The following ANLN variants were observed in gnomAD, a reference collection of about 807,000 sequenced individuals.
ANLN encodes anillin, actin binding protein.
ANLN carries 59 observed loss-of-function variants against 135.1 expected under a neutral mutation model. The ratio of observed to expected loss-of-function variants is 0.44; its 90% CI spans 0.35 to 0.54. The LOEUF (loss-of-function observed/expected upper bound fraction) is 0.54. Ranked by LOEUF, ANLN falls within the 20% of genes least tolerant of loss-of-function variation. The pLI is 0.00. For missense variants in ANLN, 1,182 were observed against 1,340.0 expected, an observed-to-expected ratio of 0.88 and a Z score of 1.84; for synonymous variants, 406 against 456.4, an observed-to-expected ratio of 0.89 and a Z score of 1.41.
At chr7:36,450,253 T>G (rs80033801) in intron 23 of ANLN, among the ~76,000 whole-genome samples, 21 of 152,152 alleles carry the variant, frequency 1.4e-4, no homozygotes, top group African/African-American at 5.1e-4. Context: ...TCTGCAAATT[T>G]CTGGATGGAG....
chr7:36,410,271 T>A (rs903855947), intron 5 of ANLN, among the ~76,000 whole-genome samples: 7 of 152,008 alleles, frequency 4.6e-5, no homozygotes, highest in African/African-American at 1.7e-4. Context: ...TCATTCTACC[T>A]TTTCAAAATT....
rs757840876 is a variant in ANLN, at chr7:36,427,049, A to G, written c.2883+21A>G. The G allele has an allele frequency of 8.0e-6, 12 of 1,502,312 alleles. 1 individual carries two copies. The South Asian group carries it at 1.3e-4, about 17-fold the overall frequency. The allele number at this position is 1,502,312 out of a possible 1,614,324, so 93.1% of individuals were successfully genotyped here. A position where few individuals can be genotyped will look rare whatever the true frequency, so the allele number is the denominator to read the frequency against. The stretch of plus-strand genomic sequence containing the variant: ...ACAAGGTAATCCAACTTTATTTCTA[A>G]GGGTGTGGTGTTTTTTTTTTAATCT... On this transcript the variant is annotated intron_variant, in intron 20 of 23. Transcript: ENST00000265748.
chr7:36,433,095 G>A (rs78331022), intron 20 of ANLN, among the ~76,000 whole-genome samples: 122 of 152,266 alleles, frequency 8.0e-4, no homozygotes, highest in African/African-American at 2.9e-3. Context: ...GGTTACAGTT[G>A]TGAACTACTG....
intron 12 of ANLN, among the ~76,000 whole-genome samples, chr7:36,421,546 G>T (rs1421884899): frequency 6.6e-6 from 1 of 151,908 alleles, no homozygotes; most frequent in African/African-American, 2.4e-5. Context: ...AAAAAACAGT[G>T]TAATTGTAAT....
intron 21 of ANLN, among the ~76,000 whole-genome samples, chr7:36,439,712 T>C (rs1660280761): frequency 6.6e-6 from 1 of 152,206 alleles, no homozygotes; most frequent in African/African-American, 2.4e-5. Context: ...GTACAGTGGC[T>C]TGAAGGGCCC....
intron 20 of ANLN, among the ~76,000 whole-genome samples, chr7:36,433,152 A>T (rs533514778): frequency 6.6e-6 from 1 of 152,138 alleles, no homozygotes; most frequent in Admixed American, 6.6e-5. Flanking sequence ...TTATATTTTT[A>T]TAAACTGGTC....
intron 22 of ANLN, among the ~76,000 whole-genome samples, chr7:36,447,464 G>A (rs1034065231): frequency 4.6e-5 from 6 of 130,170 alleles, no homozygotes; most frequent in Non-Finnish European, 7.7e-5. Context: ...TCGCTCTGTC[G>A]CCCAGGCTGG....
intron 20 of ANLN, among the ~76,000 whole-genome samples, chr7:36,430,249 T>G (rs1000450640): frequency 7.2e-5 from 11 of 152,232 alleles, no homozygotes; most frequent in Non-Finnish European, 1.5e-4. Flanking sequence ...TTTATTTTAC[T>G]GGTGCCTTGA....
At chr7:36,398,109 A>G (rs545997418) in intron 2 of ANLN, among the ~76,000 whole-genome samples, 34 of 152,202 alleles carry the variant, frequency 2.2e-4, no homozygotes, top group Non-Finnish European at 4.1e-4. Context: ...TGAAAATATT[A>G]ATTTTCCAGG....
At chr7:36,409,549 T>C (rs182287425) in intron 5 of ANLN, among the ~76,000 whole-genome samples, 1 of 152,304 alleles carries the variant, frequency 6.6e-6, no homozygotes, top group African/African-American at 2.4e-5. Flanking sequence ...GATAAGCCTA[T>C]TTTTTTATAA....
chr7:36,447,256 C>T (rs899374391), intron 22 of ANLN, among the ~76,000 whole-genome samples: 3 of 151,928 alleles, frequency 2.0e-5, no homozygotes, highest in African/African-American at 4.8e-5. Context: ...CCTCAGCATA[C>T]GATTTTTTTT....
chr7:36,437,740 TTTTC>T (rs764652182), intron 20 of ANLN, among the ~76,000 whole-genome samples: 14 of 152,194 alleles, frequency 9.2e-5, no homozygotes, highest in East Asian at 5.8e-4. Context: ...TACCTCTATG[TTTTC>T]TTTCTAAGAG....
chr7:36,422,512 G>T (rs1787918712), intron 13 of ANLN, 121 bp from the exon 14 acceptor site: 3 of 801,330 alleles, frequency 3.7e-6, no homozygotes, highest in Non-Finnish European at 1.9e-6. Context: ...TATAAAGATA[G>T]TGTTACTGAT....
Position 36,420,281 on chromosome 7 carries a change from G to A in ANLN, c.1982G>A (p.Ser661Asn), listed in dbSNP as rs775014533. The change falls in exon 11 of 24, where the codon AGC becomes AAC. Residue 661 changes from serine (S) to asparagine (N), a missense_variant. By Grantham distance (46) the Ser-to-Asn change is conservative. This residue lies in a region of ANLN where 1,022 missense variants were observed against 1,134.0 expected (regional missense o/e 0.90). Transcript: ENST00000265748. The part of the protein sequence containing the change: ...TRVPRAESGD[S>N]LGSEDRDLLY... ...GTCCCTCGAGCTGAATCTGGTGATA[G>A]CCTTGGTTCTGAAGATCGTGATCTT... 8 of 1,613,982 alleles carry A rather than the reference G, an allele frequency of 5.0e-6. No homozygotes were observed. Among genetic ancestry groups the A allele is most frequent in the Non-Finnish European group, 5.9e-6 (7 of 1,180,000 alleles).
chr7:36,391,216 A>T (rs540782666), intron 1 of ANLN, among the ~76,000 whole-genome samples: 1 of 152,308 alleles, frequency 6.6e-6, no homozygotes, highest in South Asian at 2.1e-4. Flanking sequence ...TTTTTGTATT[A>T]GCCTTAAAAT....
chr7:36,390,970 T>C (rs971359521), intron 1 of ANLN, among the ~76,000 whole-genome samples: 11 of 152,240 alleles, frequency 7.2e-5, no homozygotes, highest in African/African-American at 2.7e-4. Context: ...TAAAACTGTT[T>C]ACACTGATTC....
chr7:36,435,170 A>G (rs1315332306), intron 20 of ANLN, among the ~76,000 whole-genome samples: 1 of 152,188 alleles, frequency 6.6e-6, no homozygotes, highest in African/African-American at 2.4e-5. Context: ...TAAGTGTAGC[A>G]TTCAGTGAGT....
At chr7:36,390,117 T>A in intron 1 of ANLN, 73 bp downstream of exon 1, 1 of 1,606,426 alleles carries the variant, frequency 6.2e-7, no homozygotes, top group Non-Finnish European at 8.5e-7. Flanking sequence ...TCTGTCAACC[T>A]CTGGGCGAAC....
At chr7:36,412,325 A>ATT (rs1461965596) in intron 7 of ANLN, among the ~76,000 whole-genome samples, 4 of 109,616 alleles carry the variant, frequency 3.6e-5, no homozygotes, top group African/African-American at 1.4e-4. Context: ...ATATATATAT[A>ATT]TATTTTTTTT....
Sources: gnomAD v4.1 joint callset for allele counts (sites outside exome capture counted in the v4.1 genomes callset) on GRCh38, gnomAD v4.1.1 for gene constraint, gnomAD v4.1.1 regional missense constraint, MANE v1.5 for transcripts, NCBI Gene and HGNC (gene_info 2026-07-23, HGNC 2026-07-21) for gene names.